KIAA1549: variants seen among roughly 807,000 people sequenced by gnomAD.
KIAA1549 encodes KIAA1549, also known as UPF0606 protein KIAA1549.
In KIAA1549, 70 loss-of-function variants were observed where a neutral mutation model predicts 156.4. The ratio of observed to expected loss-of-function variants is 0.45; its 90% confidence interval spans 0.37 to 0.55. The LOEUF is 0.55. KIAA1549 is among the 20% of genes least tolerant of loss of function. The pLI, the probability that KIAA1549 is intolerant of heterozygous loss-of-function variation, is 0.00. For missense variants in KIAA1549, 2,428 were observed against 2,540.9 expected (o/e 0.96, Z 0.96); for synonymous variants, 1,103 against 1,066.4 (o/e 1.03, Z -0.67).
intron 1 of KIAA1549, among the ~76,000 whole-genome samples, chr7:138,947,589 C>T (rs938284412): frequency 6.6e-6 from 1 of 152,140 alleles, no homozygotes; most frequent in African/African-American, 2.4e-5. Flanking sequence ...AAAACATATA[C>T]AATACCAAGT....
Position 138,917,823 on chromosome 7 carries a change from T to C in KIAA1549, c.1803A>G (p.Ser601=). The C allele has an allele frequency of 1.3e-6, 2 of 1,597,306 alleles. No individual in the cohort carries two copies. Among genetic ancestry groups the C allele is most frequent in the East Asian group, 2.3e-5 (1 of 44,226 alleles). Residue 601 remains serine (S), a synonymous_variant, in exon 2 of 20, where the codon TCA becomes TCG. Transcript: ENST00000422774. ...PYSLVPSVES[S]LFSDQERSSF... is the part of the protein sequence containing the mutation. ...TGGAACGTTCTTGGTCAGAGAAAAG[T>C]GAAGACTCCACTGAAGGAACCAGAC... is the stretch of plus-strand genomic sequence containing the variant.
rs201768497 is a variant in KIAA1549, at chr7:138,916,917, G to T, written c.2709C>A (p.Asp903Glu). 1,542 of 1,612,936 alleles carry T rather than the reference G, an allele frequency of 9.6e-4. 3 individuals carry two copies. Among genetic ancestry groups the T allele is most frequent in the Non-Finnish European group, 1.2e-3 (1,413 of 1,179,374 alleles). The change falls in exon 2 of 20, where the codon GAC (aspartate) becomes GAA (glutamate). Residue 903 changes from aspartate (D) to glutamate (E), a missense_variant. By Grantham distance (45) the Asp-to-Glu change is conservative. Transcript: ENST00000422774. ...TCTCTGGGGGGCTCTGACTTGCGGC[G>T]TCACCCATCAGGGTGGAGTCGAGGG... Reference protein sequence around the residue: ...GGPLDSTLMGDAASQSPPESS... With the variant: ...GGPLDSTLMGEAASQSPPESS...
chr7:138,894,150 T>C (rs746973103), intron 10 of KIAA1549, among the ~76,000 whole-genome samples, 192 bp downstream of exon 10: 1 of 152,230 alleles, frequency 6.6e-6, no homozygotes, highest in African/African-American at 2.4e-5. Flanking sequence ...ATTCTTGGAC[T>C]GTATTTACTA....
At chr7:138,868,463 C>T (rs182184188) in intron 14 of KIAA1549, among the ~76,000 whole-genome samples, 268 of 152,104 alleles carry the variant, frequency 1.8e-3, no homozygotes, top group Middle Eastern at 6.8e-3. Context: ...AGTCTCATAC[C>T]GTCGCCCAGG....
In KIAA1549 at chr7:138,917,631, G is replaced by C. The variant is rs1341799775; in HGVS notation, c.1995C>G (p.Pro665=). 6.2e-7 allele frequency: 1 copy of C among 1,613,694 alleles called. No homozygotes were observed. The highest frequency in any genetic ancestry group is 2.2e-5 in the East Asian group (1 of 44,854). Residue 665 remains proline (P), a synonymous_variant, in exon 2 of 20, where the codon CCC becomes CCG. Coordinates refer to ENST00000422774, the MANE Select transcript of KIAA1549 (RefSeq NM_001164665.2). ...CAAACAATGTAAATGTCTCAACCAA[G>C]GGAGAAAAAGACTGAGATGTGAAGG... ...LSPFTSQSFS[P]LVETFTLFDS...
At position 138,871,189 on chromosome 7, in the gene KIAA1549, G is replaced by A. The variant is rs759848796; in HGVS notation, c.4519C>T (p.Arg1507Ter). The A allele has an allele frequency of 6.2e-7, 1 of 1,613,082 alleles. No homozygotes were observed. The highest frequency in any genetic ancestry group is 2.2e-5 in the East Asian group (1 of 44,878). The change falls in exon 13 of 20, where the codon CGA becomes TGA. Residue 1507 changes from arginine (R) to a stop codon, truncating the protein, a stop_gained. Coordinates refer to ENST00000422774, the MANE Select transcript of KIAA1549 (RefSeq NM_001164665.2). LOFTEE classifies it high-confidence loss of function. Reference protein sequence around the residue: ...PPVQRPSPADRVAESNKINKE... With the variant: ...PPVQRPSPAD ...TTGATTTTATTGCTTTCCGCCACTC[G>A]GTCGGCTGGGGAGGGGCGCTGGACG...
At chr7:138,897,539 T>C (rs929734478) in intron 9 of KIAA1549, among the ~76,000 whole-genome samples, 1 of 152,198 alleles carries the variant, frequency 6.6e-6, no homozygotes, top group Non-Finnish European at 1.5e-5. Context: ...TCTCCTTTTA[T>C]TGCTGGGAGC....
At chr7:138,914,894 A>G (rs1407109351) in intron 2 of KIAA1549, among the ~76,000 whole-genome samples, 2 of 152,222 alleles carry the variant, frequency 1.3e-5, no homozygotes, top group Admixed American at 1.3e-4. Context: ...AGGACTCCTA[A>G]AGAAGCTTTC....
At chr7:138,864,919 C>T (rs530994011) in intron 15 of KIAA1549, among the ~76,000 whole-genome samples, 3 of 152,218 alleles carry the variant, frequency 2.0e-5, no homozygotes, top group Admixed American at 6.5e-5. Context: ...CAAATGGGTG[C>T]GGTTGTGTTG....
intron 10 of KIAA1549, among the ~76,000 whole-genome samples, chr7:138,885,137 G>C (rs1263861778): frequency 6.6e-6 from 1 of 152,218 alleles, no homozygotes; most frequent in East Asian, 1.9e-4. Flanking sequence ...GGAGGTTGTG[G>C]TGAGCTGAGA....
At chr7:138,867,889 G>C (rs888433279) in intron 15 of KIAA1549, 86 bp downstream of exon 15, 1 of 1,426,356 alleles carries the variant, frequency 7.0e-7, no homozygotes, top group African/African-American at 1.4e-5. Flanking sequence ...GCGGCAGCCA[G>C]TGCTGCTGCT....
chr7:138,894,601 G>A (rs1383273420), intron 9 of KIAA1549, 75 bp from the exon 10 acceptor site: 1 of 1,427,496 alleles, frequency 7.0e-7, no homozygotes, highest in Non-Finnish European at 9.7e-7. Context: ...TCTTCTATGA[G>A]AAACTCAGAA....
intron 18 of KIAA1549, among the ~76,000 whole-genome samples, chr7:138,842,235 C>T (rs970646006): frequency 4.6e-5 from 7 of 152,322 alleles, no homozygotes; most frequent in African/African-American, 1.7e-4. Context: ...CTGTGTTGTT[C>T]ACTTAACTAT....
intron 1 of KIAA1549, among the ~76,000 whole-genome samples, chr7:138,955,638 T>C (rs960146700): frequency 1.3e-5 from 2 of 152,206 alleles, no homozygotes; most frequent in African/African-American, 4.8e-5. Flanking sequence ...ATTGTATACA[T>C]AGCATGATCC....
chr7:138,932,459 T>C (rs1812899413), intron 1 of KIAA1549, among the ~76,000 whole-genome samples: 1 of 152,124 alleles, frequency 6.6e-6, no homozygotes, highest in Non-Finnish European at 1.5e-5. Flanking sequence ...GACCAGACCA[T>C]GCAAGGCTTA....
intron 1 of KIAA1549, among the ~76,000 whole-genome samples, chr7:138,923,669 A>G (rs1812627868): frequency 6.6e-6 from 1 of 152,168 alleles, no homozygotes; most frequent in Non-Finnish European, 1.5e-5. Flanking sequence ...ATGAACAGTA[A>G]TACTCCTATG....
At chr7:138,970,546 G>A (rs972149711) in intron 1 of KIAA1549, among the ~76,000 whole-genome samples, 3 of 152,202 alleles carry the variant, frequency 2.0e-5, no homozygotes, top group African/African-American at 4.8e-5. Context: ...ATGAGAAACT[G>A]CACAGTTCTG....
chr7:138,935,276 T>C (rs1563084427), intron 1 of KIAA1549, among the ~76,000 whole-genome samples: 1 of 152,210 alleles, frequency 6.6e-6, no homozygotes, highest in Non-Finnish European at 1.5e-5. Context: ...GACTTTCTCA[T>C]TTGAGGAGCT....
rs776389549 is a variant in KIAA1549 at position 138,917,128 on chromosome 7, G to T, written c.2498C>A (p.Pro833His). 6.2e-7 allele frequency: 1 copy of T among 1,613,234 alleles called. No individual in the cohort carries two copies. The highest frequency in any genetic ancestry group is 1.3e-5 in the African/African-American group (1 of 75,050). Residue 833 changes from proline to histidine, a missense_variant, in exon 2 of 20, where the codon CCC becomes CAC. This residue lies in a region of KIAA1549 where 762 missense variants were observed against 901.6 expected (regional missense o/e 0.85). Coordinates refer to ENST00000422774, the MANE Select transcript of KIAA1549 (RefSeq NM_001164665.2). ...SVLASFSKAI[P>H]TGTVLITDAY... is the part of the protein sequence containing the mutation. Reference sequence around the variant, plus strand: ...GTCAGTGATCAACACCGTACCAGTGGGAATGGCTTTGGAGAAAGAGGCCAG... The same window carrying T: ...GTCAGTGATCAACACCGTACCAGTGTGAATGGCTTTGGAGAAAGAGGCCAG...
Sources: allele counts gnomAD v4.1 joint callset (sites outside exome capture counted in the v4.1 genomes callset), GRCh38; gene constraint gnomAD v4.1.1; regional missense constraint gnomAD v4.1.1; transcripts MANE v1.5; gene names NCBI Gene and HGNC (gene_info 2026-07-23, HGNC 2026-07-21).